ZMIZ1: variants seen among roughly 807,000 people sequenced by gnomAD.
ZMIZ1 encodes the protein zinc finger MIZ domain-containing protein 1.
A neutral mutation model predicts 113.9 loss-of-function variants in ZMIZ1; 17 were observed. The ratio of observed to expected loss-of-function variants is 0.15; its 90% confidence interval spans 0.10 to 0.22. ZMIZ1 has a LOEUF of 0.22. Among genes scored for constraint, ZMIZ1 ranks in the 10% least tolerant of loss-of-function variants. The pLI is 1.00. For missense variants in ZMIZ1, 1,059 were observed against 1,477.8 expected (o/e 0.72, Z 4.65); for synonymous variants, 607 against 603.1 (o/e 1.01, Z -0.09).
chr10:79,142,822 T>C (rs918512094), intron 3 of ZMIZ1, among the ~76,000 whole-genome samples: 2 of 152,192 alleles, frequency 1.3e-5, no homozygotes, highest in Admixed American at 6.5e-5. Context: ...TCCTCCCCCT[T>C]GTCCAAAAAC....
intron 7 of ZMIZ1, among the ~76,000 whole-genome samples, chr10:79,240,221 G>C (rs190315632): frequency 6.6e-6 from 1 of 152,198 alleles, no homozygotes; most frequent in African/African-American, 2.4e-5. Context: ...TCATTCCCCT[G>C]GGGCTATGCC....
rs918123162 is a variant in ZMIZ1 at position 79,310,905 on chromosome 10, G to A, written c.2836-19G>A. ...CCTCACCTCACCTCTCTTCTCTCCC[G>A]CTCTCTCCTCCTCCACAGATGCCAC... On this transcript the variant is annotated intron_variant, in intron 23 of 24. Coordinates refer to ENST00000334512, the MANE Select transcript of ZMIZ1 (RefSeq NM_020338.4). 2.5e-5 allele frequency: 40 copies of A among 1,607,214 alleles called. No individual in the cohort carries two copies. The highest frequency in any genetic ancestry group is 5.5e-5 in the South Asian group (5 of 90,684).
chr10:79,161,928 A>G (rs957380611), intron 3 of ZMIZ1, 125 bp from the exon 4 acceptor site: 11 of 398,392 alleles, frequency 2.8e-5, no homozygotes, highest in Non-Finnish European at 4.4e-5. Context: ...AGGGCACCCC[A>G]TCATGTCCCT....
At chr10:79,170,235 A>G (rs7913964) in intron 4 of ZMIZ1, among the ~76,000 whole-genome samples, 62,576 of 152,050 alleles carry the variant, frequency 0.41, 13,262 homozygotes, top group East Asian at 0.52. Flanking sequence ...CTAGAGACTT[A>G]AGCCAGTTCC....
At chr10:79,076,558 G>A (rs925844397) in intron 1 of ZMIZ1, among the ~76,000 whole-genome samples, 14 of 152,274 alleles carry the variant, frequency 9.2e-5, no homozygotes, top group South Asian at 8.3e-4. Context: ...AAACAGGGCC[G>A]GGCACAGTGG....
At chr10:79,247,071 C>A (rs1384782080) in intron 7 of ZMIZ1, among the ~76,000 whole-genome samples, 1 of 152,228 alleles carries the variant, frequency 6.6e-6, no homozygotes, top group Non-Finnish European at 1.5e-5. Flanking sequence ...GTGCCCACTC[C>A]CCCAGCAGCA....
chr10:79,258,797 G>A (rs182371868), intron 7 of ZMIZ1, among the ~76,000 whole-genome samples: 17 of 152,324 alleles, frequency 1.1e-4, no homozygotes, highest in African/African-American at 4.1e-4. Flanking sequence ...TGAGCCCAAG[G>A]CCTGCCCCAG....
intron 7 of ZMIZ1, among the ~76,000 whole-genome samples, chr10:79,271,858 T>C (rs552294839): frequency 1.1e-4 from 16 of 152,186 alleles, no homozygotes; most frequent in Non-Finnish European, 2.1e-4. Context: ...GACCACCTTC[T>C]GTCTGGAAGG....
intron 7 of ZMIZ1, among the ~76,000 whole-genome samples, chr10:79,268,436 G>A (rs995710522): frequency 6.6e-6 from 1 of 152,218 alleles, no homozygotes; most frequent in African/African-American, 2.4e-5. Context: ...TTTAAAGGCC[G>A]CTGAGCGCCT....
At chr10:79,111,997 C>T (rs1003752227) in intron 1 of ZMIZ1, among the ~76,000 whole-genome samples, 1 of 152,210 alleles carries the variant, frequency 6.6e-6, no homozygotes, top group African/African-American at 2.4e-5. Flanking sequence ...AAAGTAATGG[C>T]ATAGGCAAAG....
chr10:79,227,101 A>G (rs1380276327), intron 7 of ZMIZ1, among the ~76,000 whole-genome samples: 1 of 152,238 alleles, frequency 6.6e-6, no homozygotes, highest in African/African-American at 2.4e-5. Flanking sequence ...CAAAATTGTG[A>G]TTCAAACAAG....
At chr10:79,225,257 T>A (rs754946196) in intron 7 of ZMIZ1, among the ~76,000 whole-genome samples, 3 of 152,202 alleles carry the variant, frequency 2.0e-5, no homozygotes, top group Non-Finnish European at 2.9e-5. Flanking sequence ...GTATTAAGAT[T>A]GAGTTCTTAA....
At chr10:79,235,707 A>AGTAC (rs1352572446) in intron 7 of ZMIZ1, among the ~76,000 whole-genome samples, 1 of 152,198 alleles carries the variant, frequency 6.6e-6, no homozygotes, top group African/African-American at 2.4e-5. Flanking sequence ...TGTGAGCAGG[A>AGTAC]GGTACCGGGT....
chr10:79,201,203 G>A (rs931863023), intron 4 of ZMIZ1, among the ~76,000 whole-genome samples: 2 of 152,210 alleles, frequency 1.3e-5, no homozygotes, highest in Non-Finnish European at 2.9e-5. Context: ...AGCTACTCAG[G>A]AGGCTGAGGC....
intron 4 of ZMIZ1, among the ~76,000 whole-genome samples, chr10:79,182,188 A>G (rs113114746): frequency 2.6e-5 from 4 of 152,352 alleles, no homozygotes; most frequent in African/African-American, 7.2e-5. Flanking sequence ...TGTCCTGCTC[A>G]TGCAATTTAA....
At chr10:79,116,655 C>T (rs1261506040) in intron 1 of ZMIZ1, among the ~76,000 whole-genome samples, 9 of 152,140 alleles carry the variant, frequency 5.9e-5, no homozygotes, top group African/African-American at 9.7e-5. Flanking sequence ...TGGAAAGCCA[C>T]GGAAAGATTT....
chr10:79,240,401 A>G (rs1013720734), intron 7 of ZMIZ1, among the ~76,000 whole-genome samples: 1 of 152,050 alleles, frequency 6.6e-6, no homozygotes, highest in Non-Finnish European at 1.5e-5. Flanking sequence ...TGGAGTTGGA[A>G]CTCGGAACAA....
intron 4 of ZMIZ1, among the ~76,000 whole-genome samples, chr10:79,179,685 G>A (rs1847029931): frequency 6.6e-6 from 1 of 152,268 alleles, no homozygotes; most frequent in Admixed American, 6.5e-5. Flanking sequence ...GAGGGGCCAA[G>A]AGGGGAAAGC....
At chr10:79,175,630 GGAGGTTTT>G (rs67333691) in intron 4 of ZMIZ1, among the ~76,000 whole-genome samples, 5,213 of 96,406 alleles carry the variant, frequency 0.054, 185 homozygotes, top group South Asian at 0.13. Flanking sequence ...GTGTGTGTGT[GGAGGTTTT>G]TACAGACCCG....
Sources: gnomAD v4.1 joint callset for allele counts (sites outside exome capture counted in the v4.1 genomes callset) on GRCh38, gnomAD v4.1.1 for gene constraint, MANE v1.5 for transcripts, NCBI Gene and HGNC (gene_info 2026-07-23, HGNC 2026-07-21) for gene names.